Variants in PPP1R21 observed in about 807,000 individuals in gnomAD.
PPP1R21 encodes KLRAQ motif containing 1.
Under a neutral mutation model 112.8 loss-of-function variants are expected in PPP1R21, and 85 were observed. The observed-to-expected ratio is 0.75, with a 90% CI of 0.63 to 0.90. The LOEUF (loss-of-function observed/expected upper bound fraction) is 0.90. Ranked by LOEUF, PPP1R21 falls within the 40% of genes least tolerant of loss-of-function variation. PPP1R21 has a pLI of 0.00. For synonymous variants in PPP1R21, 381 were observed against 322.3 expected, an observed-to-expected ratio of 1.18 and a Z score of -1.95; for missense variants, 1,199 against 901.5, an observed-to-expected ratio of 1.33 and a Z score of -4.23.
intron 11 of PPP1R21, among the ~76,000 whole-genome samples, chr2:48,472,746 C>T (rs773267576): frequency 1.3e-5 from 2 of 151,654 alleles, no homozygotes; most frequent in Non-Finnish European, 2.9e-5. Flanking sequence ...GCCAGGAATT[C>T]GAGAACAGCC....
At chr2:48,469,535 T>G (rs62138862) in intron 9 of PPP1R21, among the ~76,000 whole-genome samples, 55,970 of 71,808 alleles carry the variant, frequency 0.78, 23,438 homozygotes, top group East Asian at 0.97. Flanking sequence ...TATATATATA[T>G]AGAGCATATA....
chr2:48,497,651 A>ATT (rs1208738625), intron 16 of PPP1R21, among the ~76,000 whole-genome samples: 18 of 134,166 alleles, frequency 1.3e-4, no homozygotes, highest in African/African-American at 2.2e-4. Flanking sequence ...CTATAGTTCT[A>ATT]TTTTTTTTTT....
At chr2:48,474,564 A>G (rs1039620735) in intron 11 of PPP1R21, 119 bp from the exon 12 acceptor site, 13 of 884,954 alleles carry the variant, frequency 1.5e-5, no homozygotes, top group Non-Finnish European at 1.7e-5. Flanking sequence ...AATGAGATCA[A>G]ATTCTTTTTT....
intron 3 of PPP1R21, among the ~76,000 whole-genome samples, chr2:48,455,906 C>A (rs766082867): frequency 1.3e-5 from 2 of 149,744 alleles, no homozygotes; most frequent in Non-Finnish European, 3.0e-5. Flanking sequence ...TCCAGCTGCT[C>A]GGGGGAGCTG....
intron 14 of PPP1R21, among the ~76,000 whole-genome samples, chr2:48,487,068 G>A (rs1445417078): frequency 2.0e-5 from 3 of 152,180 alleles, no homozygotes; most frequent in East Asian, 3.9e-4. Context: ...CAATGTGACA[G>A]TGACTGTTTA....
chr2:48,455,950 G>A (rs183787486), intron 3 of PPP1R21, among the ~76,000 whole-genome samples: 16 of 148,768 alleles, frequency 1.1e-4, no homozygotes, highest in Non-Finnish European at 2.1e-4. Context: ...GGGAGGCAGA[G>A]TTTGCAGCGA....
At chr2:48,485,261 C>T (rs932298256) in intron 13 of PPP1R21, among the ~76,000 whole-genome samples, 1 of 151,514 alleles carries the variant, frequency 6.6e-6, no homozygotes. Context: ...ACAATATGCC[C>T]GCATAACAAA....
chr2:48,493,301 G>A (rs1043322857), intron 15 of PPP1R21, among the ~76,000 whole-genome samples: 1 of 152,162 alleles, frequency 6.6e-6, no homozygotes, highest in East Asian at 1.9e-4. Context: ...CACTGCGCCC[G>A]GCCTTACCTA....
chr2:48,465,080 G>C, intron 8 of PPP1R21, 91 bp downstream of exon 8: 1 of 952,552 alleles, frequency 1.0e-6, no homozygotes, highest in Admixed American at 2.7e-5. Context: ...CCTCTGTTTA[G>C]TGCATTCAGT....
At chr2:48,484,975 T>G (rs11125172) in intron 13 of PPP1R21, among the ~76,000 whole-genome samples, 1 of 152,294 alleles carries the variant, frequency 6.6e-6, no homozygotes, top group African/African-American at 2.4e-5. Flanking sequence ...CAGTGAAATA[T>G]TGAATAAAAC....
Position 48,515,228 on chromosome 2 carries a change from C to CTCTCTG in PPP1R21, c.*489_*490insGTCTCT, listed in dbSNP as rs1553350064. On this transcript the variant is annotated 3_prime_UTR_variant, in exon 22 of 22. Coordinates refer to ENST00000294952, the MANE Select transcript of PPP1R21 (RefSeq NM_001135629.3). ...GATTTGTTCATATTTCTCTCTCTCT[C>CTCTCTG]TCTCTCTCTCTCTCTCTCTTCTTTC... The CTCTCTG allele has an allele frequency of 6.5e-6, 1 of 153,158 alleles. No individual in the cohort carries two copies. The highest frequency in any genetic ancestry group is 1.4e-5 in the Non-Finnish European group (1 of 68,996). 9.5% of individuals were successfully genotyped at this position (153,158 alleles called of 1,614,324 possible).
At chr2:48,459,436 A>C (rs1013063498) in intron 4 of PPP1R21, among the ~76,000 whole-genome samples, 2 of 152,214 alleles carry the variant, frequency 1.3e-5, no homozygotes, top group African/African-American at 4.8e-5. Flanking sequence ...ACAGAAATTC[A>C]TGAGACTGAG....
Position 48,514,807 on chromosome 2 carries a change from G to T in PPP1R21, c.*63G>T. 1 of 1,576,468 alleles carries T rather than the reference G, an allele frequency of 6.3e-7. No homozygotes were observed. The highest frequency in any genetic ancestry group is 1.4e-5 in the African/African-American group (1 of 73,740). Reference sequence around the variant, plus strand: ...CTGCTCCTGCTGCACAGAGCCGCAGGGCTGAGACCACGTCCATGCTGGCTG... The same window carrying T: ...CTGCTCCTGCTGCACAGAGCCGCAGTGCTGAGACCACGTCCATGCTGGCTG... On this transcript the variant is annotated 3_prime_UTR_variant, in exon 22 of 22. Coordinates refer to ENST00000294952, the MANE Select transcript of PPP1R21 (RefSeq NM_001135629.3).
intron 4 of PPP1R21, among the ~76,000 whole-genome samples, chr2:48,459,207 G>T (rs1203840799): frequency 6.6e-6 from 1 of 150,410 alleles, no homozygotes; most frequent in Non-Finnish European, 1.5e-5. Context: ...AAACAGACAC[G>T]CTTTTCAGTC....
At chr2:48,508,062 G>C (rs1670470582) in intron 19 of PPP1R21, among the ~76,000 whole-genome samples, 1 of 148,986 alleles carries the variant, frequency 6.7e-6, no homozygotes, top group Non-Finnish European at 1.5e-5. Context: ...ACCACCCCCA[G>C]CCACAACTCT....
intron 3 of PPP1R21, among the ~76,000 whole-genome samples, chr2:48,457,399 A>G (rs897939155): frequency 2.6e-5 from 4 of 152,190 alleles, no homozygotes; most frequent in Admixed American, 2.0e-4. Flanking sequence ...AAGTGAGACT[A>G]CAAAAAAAGC....
intron 1 of PPP1R21, among the ~76,000 whole-genome samples, chr2:48,447,389 T>A (rs1381880731): frequency 6.6e-6 from 1 of 152,150 alleles, no homozygotes; most frequent in Non-Finnish European, 1.5e-5. Flanking sequence ...GATTCAGAGG[T>A]ACTCTTCCCC....
Position 48,461,288 on chromosome 2 carries a change from C to A in PPP1R21, c.694+56C>A. ...GTAACTTTGAATCTCTCTGTGGTAG[C>A]CAACTAATTAAAGTAATTTTTAATC... On this transcript the variant is annotated intron_variant, in intron 7 of 21. Coordinates refer to ENST00000294952, the MANE Select transcript of PPP1R21 (RefSeq NM_001135629.3). 4.2e-6 allele frequency: 6 copies of A among 1,442,032 alleles called. No homozygotes were observed. The South Asian group carries it at 4.7e-5, about 11-fold the overall frequency. The allele number at this position is 1,442,032 out of a possible 1,614,324, so 89.3% of individuals were successfully genotyped here.
chr2:48,453,256 G>C (rs1203642510), intron 2 of PPP1R21, among the ~76,000 whole-genome samples: 1 of 151,946 alleles, frequency 6.6e-6, no homozygotes, highest in South Asian at 2.1e-4. Flanking sequence ...ACCTGGCCTA[G>C]GTTGCTGTTT....
Sources: allele counts gnomAD v4.1 joint callset (sites outside exome capture counted in the v4.1 genomes callset), GRCh38; gene constraint gnomAD v4.1.1; transcripts MANE v1.5; gene names NCBI Gene and HGNC (gene_info 2026-07-23, HGNC 2026-07-21).